Variants in PTPRT observed in about 807,000 individuals in gnomAD.
The protein encoded by PTPRT is receptor-type tyrosine-protein phosphatase T.
PTPRT carries 56 observed loss-of-function variants against 176.8 expected under a neutral mutation model. The observed-to-expected ratio is 0.32, with a 90% CI of 0.26 to 0.40. The LOEUF (loss-of-function observed/expected upper bound fraction) is 0.40. PTPRT is among the 10% of genes least tolerant of loss of function. PTPRT has a pLI of 1.00. For missense variants in PTPRT, 1,540 were observed against 1,908.2 expected (o/e 0.81, Z 3.60); for synonymous variants, 783 against 739.0 (o/e 1.06, Z -0.96).
chr20:42,613,423 A>C (rs2074007927), intron 7 of PTPRT, among the ~76,000 whole-genome samples: 1 of 152,242 alleles, frequency 6.6e-6, no homozygotes, highest in South Asian at 2.1e-4. Context: ...AGCCCGTTAA[A>C]TCCATACTAG....
At chr20:42,343,500 C>T (rs1328974586) in intron 11 of PTPRT, among the ~76,000 whole-genome samples, 1 of 152,194 alleles carries the variant, frequency 6.6e-6, no homozygotes, top group Non-Finnish European at 1.5e-5. Context: ...CATTTCTTAT[C>T]TGAACAATGT....
At chr20:42,745,759 A>G (rs373599759) in intron 6 of PTPRT, among the ~76,000 whole-genome samples, 2 of 152,316 alleles carry the variant, frequency 1.3e-5, no homozygotes, top group Admixed American at 6.5e-5. Flanking sequence ...AAATTAGCAT[A>G]AGGAGGGTCA....
intron 8 of PTPRT, among the ~76,000 whole-genome samples, chr20:42,468,059 C>A (rs1204838807): frequency 6.6e-6 from 1 of 152,216 alleles, no homozygotes; most frequent in Non-Finnish European, 1.5e-5. Flanking sequence ...TGTTTAGTTT[C>A]TTATGAACAG....
chr20:42,760,808 T>C (rs1247613344), intron 5 of PTPRT, among the ~76,000 whole-genome samples: 1 of 152,172 alleles, frequency 6.6e-6, no homozygotes, highest in African/African-American at 2.4e-5. Flanking sequence ...GGAGATGTTG[T>C]TTACTGGGGT....
At chr20:42,801,692 TA>T (rs1303485605) in intron 2 of PTPRT, among the ~76,000 whole-genome samples, 2 of 151,962 alleles carry the variant, frequency 1.3e-5, no homozygotes, top group Non-Finnish European at 2.9e-5. Context: ...GGAAGAAGTA[TA>T]AAAAGAAAAC....
chr20:42,184,561 A>T (rs6030034), intron 16 of PTPRT, among the ~76,000 whole-genome samples: 4 of 128,252 alleles, frequency 3.1e-5, no homozygotes, highest in African/African-American at 9.1e-5. Flanking sequence ...TCTTCTTCTT[A>T]TTCTTCTTCT....
chr20:42,624,394 C>T (rs1369003684), intron 7 of PTPRT, among the ~76,000 whole-genome samples: 1 of 152,150 alleles, frequency 6.6e-6, no homozygotes, highest in Non-Finnish European at 1.5e-5. Context: ...GCAGAGAATT[C>T]CTTTATCAGG....
At chr20:42,786,546 G>A (rs755702219) in intron 3 of PTPRT, among the ~76,000 whole-genome samples, 1 of 152,180 alleles carries the variant, frequency 6.6e-6, no homozygotes, top group Non-Finnish European at 1.5e-5. Context: ...AATAGAGGGA[G>A]CTACTGCACA....
At chr20:42,758,483 T>C (rs2076868924) in intron 5 of PTPRT, among the ~76,000 whole-genome samples, 1 of 152,130 alleles carries the variant, frequency 6.6e-6, no homozygotes, top group African/African-American at 2.4e-5. Flanking sequence ...TAAGAGAGAC[T>C]TGCTCCAGGC....
At chr20:42,851,358 G>A (rs1459507420) in intron 2 of PTPRT, among the ~76,000 whole-genome samples, 1 of 152,064 alleles carries the variant, frequency 6.6e-6, no homozygotes, top group East Asian at 1.9e-4. Flanking sequence ...TTTTAACAAC[G>A]CTGATTTCTA....
intron 17 of PTPRT, among the ~76,000 whole-genome samples, chr20:42,142,871 G>C (rs1284412879): frequency 6.6e-6 from 1 of 152,180 alleles, no homozygotes; most frequent in Non-Finnish European, 1.5e-5. Context: ...CTTCATTAAT[G>C]ATAGATACTA....
chr20:42,691,806 C>A (rs191649747), intron 6 of PTPRT, among the ~76,000 whole-genome samples: 1 of 152,134 alleles, frequency 6.6e-6, no homozygotes, highest in African/African-American at 2.4e-5. Context: ...GCCAGATGGA[C>A]GCTGGGCTCC....
At chr20:42,737,632 C>A (rs1222998912) in intron 6 of PTPRT, among the ~76,000 whole-genome samples, 27 of 144,880 alleles carry the variant, frequency 1.9e-4, no homozygotes, top group East Asian at 2.0e-4. Context: ...ATTCTGCCTC[C>A]AAAAAAAAAA....
chr20:42,268,530 C>A (rs540167755), intron 13 of PTPRT, among the ~76,000 whole-genome samples: 1 of 152,308 alleles, frequency 6.6e-6, no homozygotes, highest in East Asian at 1.9e-4. Context: ...GCAACTCCCA[C>A]CTCCCTTTGG....
At chr20:42,032,269 G>T in the PTPRT span, among the ~76,000 whole-genome samples, 2 of 152,130 alleles carry the variant, frequency 1.3e-5, no homozygotes, top group African/African-American at 4.8e-5. Context: ...ACTCTGGCCA[G>T]GAAAGTGATG....
Position 42,629,905 on chromosome 20 carries a change from C to T in PTPRT, c.1153+47961G>A, listed in dbSNP as rs189608840. On this transcript the variant is annotated intron_variant, in intron 7 of 30. Coordinates refer to ENST00000373187, the MANE Select transcript of PTPRT (RefSeq NM_007050.6). ...AAAATGATACTCTTAGCGTTAGAGT[C>T]CACAACTGCTACAGAGTCTCAGCTG... Among the ~76,000 whole-genome samples, 7 of 152,300 alleles carry T rather than the reference C, an allele frequency of 4.6e-5. No individual in the cohort carries two copies. The East Asian group carries it at 1.2e-3, about 25-fold the overall frequency.
chr20:42,131,027 C>T (rs771279547), intron 18 of PTPRT, among the ~76,000 whole-genome samples: 63 of 152,214 alleles, frequency 4.1e-4, no homozygotes, highest in Non-Finnish European at 1.8e-4. Flanking sequence ...AGCAAGCTTC[C>T]GAAGTTACGC....
chr20:42,669,018 T>C (rs1360014515), intron 7 of PTPRT, among the ~76,000 whole-genome samples: 1 of 151,842 alleles, frequency 6.6e-6, no homozygotes, highest in Non-Finnish European at 1.5e-5. Flanking sequence ...CCCAGATAAT[T>C]CTTATGGCGT....
At chr20:42,149,905 C>T (rs750478493) in intron 17 of PTPRT, among the ~76,000 whole-genome samples, 3 of 152,166 alleles carry the variant, frequency 2.0e-5, no homozygotes, top group Non-Finnish European at 4.4e-5. Context: ...CCCTCCTATC[C>T]ACAGAGCTGA....
Sources: gnomAD v4.1 joint callset for allele counts (sites outside exome capture counted in the v4.1 genomes callset) on GRCh38, gnomAD v4.1.1 for gene constraint, MANE v1.5 for transcripts, NCBI Gene and HGNC (gene_info 2026-07-23, HGNC 2026-07-21) for gene names.